PTPRD: variants seen among roughly 807,000 people sequenced by gnomAD.
PTPRD encodes the protein protein tyrosine phosphatase receptor type D, also known as receptor-type tyrosine-protein phosphatase delta.
A neutral mutation model predicts 214.5 loss-of-function variants in PTPRD; 34 were observed. The ratio of observed to expected loss-of-function variants is 0.16; its 90% CI spans 0.12 to 0.21. PTPRD has a LOEUF of 0.21. Ranked by LOEUF, PTPRD falls within the 10% of genes least tolerant of loss-of-function variation. PTPRD has a pLI of 1.00. For synonymous variants in PTPRD, 1,128 were observed against 845.7 expected (o/e 1.33, Z -5.79); for missense variants, 2,545 against 2,398.7 (o/e 1.06, Z -1.27).
chr9:10,395,392 G>A (rs2098149037), intron 2 of PTPRD, among the ~76,000 whole-genome samples: 2 of 151,560 alleles, frequency 1.3e-5, no homozygotes, highest in Non-Finnish European at 2.9e-5. Flanking sequence ...GAGAATGATG[G>A]TTTGCAGCTT....
chr9:9,104,316 TC>T (rs903641335), intron 10 of PTPRD, among the ~76,000 whole-genome samples: 32 of 151,910 alleles, frequency 2.1e-4, no homozygotes, highest in African/African-American at 7.7e-4. Flanking sequence ...TGAATTTTTT[TC>T]CCCAAACATA....
intron 10 of PTPRD, among the ~76,000 whole-genome samples, chr9:9,099,244 G>A (rs2099787993): frequency 6.6e-6 from 1 of 152,150 alleles, no homozygotes; most frequent in African/African-American, 2.4e-5. Context: ...CTATGTTGGT[G>A]ATATTCTAGT....
chr9:9,444,011 T>C (rs2089410639), intron 8 of PTPRD, among the ~76,000 whole-genome samples: 1 of 152,174 alleles, frequency 6.6e-6, no homozygotes, highest in Admixed American at 6.5e-5. Context: ...TCATATGGAC[T>C]TTATCTTCAT....
At chr9:9,793,502 A>G (rs946312185) in intron 5 of PTPRD, among the ~76,000 whole-genome samples, 1 of 152,138 alleles carries the variant, frequency 6.6e-6, no homozygotes, top group Non-Finnish European at 1.5e-5. Context: ...ATGGACGGAC[A>G]GATAGATATG....
At chr9:8,722,131 G>A (rs1277765135) in intron 12 of PTPRD, among the ~76,000 whole-genome samples, 1 of 119,340 alleles carries the variant, frequency 8.4e-6, no homozygotes, top group Admixed American at 7.5e-5. Context: ...CTCTGTGTGT[G>A]TGTGTGTGTG....
chr9:10,083,161 C>A (rs1266150126), intron 3 of PTPRD, among the ~76,000 whole-genome samples: 1 of 151,936 alleles, frequency 6.6e-6, no homozygotes, highest in Non-Finnish European at 1.5e-5. Context: ...TTCCCTGACC[C>A]TCTTAGTCCC....
At position 9,419,588 on chromosome 9, in the gene PTPRD, T is replaced by C. The variant is rs375904801; in HGVS notation, c.-236-22106A>G. Among the ~76,000 whole-genome samples, 81 of 151,938 alleles carry C rather than the reference T, an allele frequency of 5.3e-4. No individual in the cohort carries two copies. In the East Asian group the frequency reaches 0.01, roughly 19 times the overall value. On this transcript the variant is annotated intron_variant, in intron 8 of 45. Transcript: ENST00000381196. ...CAATATGTATATTGTTTATAAACTTTAACAGAAGCAGTATATCATCCTTTC... is the reference window on the plus strand; with the variant it reads ...CAATATGTATATTGTTTATAAACTTCAACAGAAGCAGTATATCATCCTTTC...
chr9:8,485,124 T>G, intron 29 of PTPRD, 103 bp downstream of exon 29: 1 of 879,814 alleles, frequency 1.1e-6, no homozygotes, highest in South Asian at 1.6e-5. Flanking sequence ...CAAGGACACG[T>G]GGCCAAAACA....
intron 19 of PTPRD, among the ~76,000 whole-genome samples, chr9:8,523,148 G>C (rs1050395198): frequency 2.6e-5 from 4 of 152,100 alleles, no homozygotes; most frequent in Non-Finnish European, 5.9e-5. Flanking sequence ...CTTGGGATTA[G>C]GGGAGAAACT....
intron 11 of PTPRD, among the ~76,000 whole-genome samples, chr9:8,836,841 C>T (rs147718445): frequency 1.3e-5 from 2 of 151,642 alleles, no homozygotes; most frequent in Non-Finnish European, 2.9e-5. Flanking sequence ...CGTGATCCAC[C>T]CAACAGCTGA....
chr9:10,399,469 T>C (rs2098233168), intron 2 of PTPRD, among the ~76,000 whole-genome samples: 3 of 151,954 alleles, frequency 2.0e-5, no homozygotes, highest in African/African-American at 7.2e-5. Context: ...AAACACTGAG[T>C]TCCTAAAATG....
chr9:9,386,214 T>C (rs1051364862), intron 9 of PTPRD, among the ~76,000 whole-genome samples: 1 of 152,108 alleles, frequency 6.6e-6, no homozygotes, highest in African/African-American at 2.4e-5. Context: ...CTTAATCCTA[T>C]GTGACTGGAA....
At chr9:10,562,286 A>G (rs1410529972) in intron 2 of PTPRD, among the ~76,000 whole-genome samples, 1 of 151,682 alleles carries the variant, frequency 6.6e-6, no homozygotes. Context: ...TTCTTCTTCA[A>G]CGTAATGGAG....
chr9:9,573,644 T>C (rs1591931178), intron 8 of PTPRD, among the ~76,000 whole-genome samples: 1 of 151,736 alleles, frequency 6.6e-6, no homozygotes, highest in South Asian at 2.1e-4. Context: ...ATTTAAAACT[T>C]AAAAATAAGT....
intron 3 of PTPRD, among the ~76,000 whole-genome samples, chr9:10,149,832 G>A (rs556203027): frequency 6.6e-6 from 1 of 151,620 alleles, no homozygotes; most frequent in South Asian, 2.1e-4. Flanking sequence ...CCGGGTTCAA[G>A]CAATTCTTCT....
intron 11 of PTPRD, among the ~76,000 whole-genome samples, chr9:8,892,040 C>T (rs908089400): frequency 6.6e-6 from 1 of 152,142 alleles, no homozygotes; most frequent in Non-Finnish European, 1.5e-5. Flanking sequence ...TCCCTCCCTT[C>T]CTGCTTTTCT....
At chr9:8,515,068 C>T (rs1304858523) in intron 21 of PTPRD, among the ~76,000 whole-genome samples, 1 of 152,148 alleles carries the variant, frequency 6.6e-6, no homozygotes, top group African/African-American at 2.4e-5. Context: ...AACCTCTTTC[C>T]TTTGTAAATT....
intron 10 of PTPRD, among the ~76,000 whole-genome samples, chr9:9,071,531 G>C (rs1400253636): frequency 6.6e-6 from 1 of 152,160 alleles, no homozygotes; most frequent in African/African-American, 2.4e-5. Flanking sequence ...GGAACTGTGA[G>C]TAGCCCCTGG....
intron 5 of PTPRD, among the ~76,000 whole-genome samples, chr9:9,865,966 A>G (rs968165706): frequency 4.6e-5 from 7 of 152,278 alleles, no homozygotes; most frequent in Non-Finnish European, 5.9e-5. Context: ...TGAACAATTC[A>G]AGGAAGAGTC....
Sources: gnomAD v4.1 joint callset for allele counts (sites outside exome capture counted in the v4.1 genomes callset) on GRCh38, gnomAD v4.1.1 for gene constraint, MANE v1.5 for transcripts, NCBI Gene and HGNC (gene_info 2026-07-23, HGNC 2026-07-21) for gene names.